FBXL17: variants seen among roughly 807,000 people sequenced by gnomAD.
FBXL17 encodes F-box/LRR-repeat protein 17.
FBXL17 carries 22 observed loss-of-function variants against 66.2 expected under a neutral mutation model. The ratio of observed to expected loss-of-function variants is 0.33; its 90% CI spans 0.24 to 0.47. The LOEUF (loss-of-function observed/expected upper bound fraction) is 0.47. Among genes scored for constraint, FBXL17 ranks in the 20% least tolerant of loss-of-function variants. FBXL17 has a pLI of 1.00. For missense variants in FBXL17, 878 were observed against 948.2 expected (o/e 0.93, Z 0.97); for synonymous variants, 474 against 400.5 (o/e 1.18, Z -2.19).
chr5:107,975,845 T>TTTTTTG lies in FBXL17; in HGVS notation c.1822+45079_1822+45080insCAAAAA, dbSNP rs1561347961. On this transcript the variant is annotated intron_variant, in intron 7 of 8. Transcript: ENST00000542267. ...CTTTTATTATGATAATTAGAGGGTT[T>TTTTTTG]TTGTTGTTGTTGTTTTTTTTTTTTT... is the stretch of plus-strand genomic sequence containing the variant. 3.3e-4 allele frequency among the ~76,000 whole-genome samples: 23 copies of TTTTTTG among 70,672 alleles called. 2 individuals carry two copies. The East Asian group carries it at 5.3e-3, about 16-fold the overall frequency. The allele number at this position is 70,672 out of a possible 152,430, so 46.4% of individuals were successfully genotyped here. A position where few individuals can be genotyped will look rare whatever the true frequency, so the allele number is the denominator to read the frequency against.
At chr5:108,228,374 C>A (rs1000178973) in intron 4 of FBXL17, among the ~76,000 whole-genome samples, 14 of 152,110 alleles carry the variant, frequency 9.2e-5, no homozygotes, top group African/African-American at 3.4e-4. Context: ...ACCCTGGAGT[C>A]TCACTTCTAG....
chr5:107,971,606 C>T (rs572614075), intron 7 of FBXL17, among the ~76,000 whole-genome samples: 1 of 152,216 alleles, frequency 6.6e-6, no homozygotes. Flanking sequence ...ATGATTTTGT[C>T]ACTTTATAAC....
intron 6 of FBXL17, among the ~76,000 whole-genome samples, chr5:108,055,471 T>C (rs1747665331): frequency 2.0e-5 from 3 of 150,364 alleles, no homozygotes; most frequent in African/African-American, 2.4e-5. Flanking sequence ...TAGCTGGGTA[T>C]GGTGGTGGGC....
chr5:107,900,554 A>G (rs542353744), intron 7 of FBXL17, among the ~76,000 whole-genome samples: 1 of 152,240 alleles, frequency 6.6e-6, no homozygotes, highest in East Asian at 1.9e-4. Flanking sequence ...AACTGTTCTA[A>G]CTAAAGAATA....
At chr5:108,294,679 G>A (rs1758273336) in intron 4 of FBXL17, among the ~76,000 whole-genome samples, 1 of 151,880 alleles carries the variant, frequency 6.6e-6, no homozygotes, top group African/African-American at 2.4e-5. Flanking sequence ...ACCACTGAAA[G>A]CAAACTGCAT....
At chr5:108,057,553 T>C (rs1433607798) in intron 6 of FBXL17, among the ~76,000 whole-genome samples, 3 of 152,154 alleles carry the variant, frequency 2.0e-5, no homozygotes, top group Non-Finnish European at 2.9e-5. Context: ...ATGGATTTGA[T>C]CTGTACACAA....
At chr5:108,362,564 T>C (rs1169862217) in intron 3 of FBXL17, among the ~76,000 whole-genome samples, 3 of 152,132 alleles carry the variant, frequency 2.0e-5, no homozygotes. Context: ...TGAGTGACTA[T>C]TATGAAAATA....
chr5:107,996,557 C>T (rs1054704403), intron 7 of FBXL17, among the ~76,000 whole-genome samples: 34 of 152,166 alleles, frequency 2.2e-4, no homozygotes, highest in Non-Finnish European at 2.6e-4. Flanking sequence ...TCAGGTGATC[C>T]GCCCACTTGG....
At chr5:108,067,484 T>C (rs1748160506) in intron 6 of FBXL17, among the ~76,000 whole-genome samples, 2 of 152,104 alleles carry the variant, frequency 1.3e-5, no homozygotes, top group Non-Finnish European at 1.5e-5. Context: ...AGAATAAATA[T>C]ATTTACTAGA....
chr5:107,930,450 C>A (rs1212759060), intron 7 of FBXL17, among the ~76,000 whole-genome samples: 1 of 152,214 alleles, frequency 6.6e-6, no homozygotes, highest in African/African-American at 2.4e-5. Flanking sequence ...TAATGTTAGG[C>A]CCCTAGCCTG....
chr5:108,085,032 C>G (rs1156805597), intron 6 of FBXL17, among the ~76,000 whole-genome samples: 2 of 152,200 alleles, frequency 1.3e-5, no homozygotes, highest in Non-Finnish European at 2.9e-5. Context: ...CTCCCTGATT[C>G]TTTCACTTTT....
intron 7 of FBXL17, among the ~76,000 whole-genome samples, chr5:107,927,117 A>G (rs1225796381): frequency 6.6e-6 from 1 of 152,202 alleles, no homozygotes; most frequent in East Asian, 1.9e-4. Context: ...GACTTTTAAT[A>G]AAAACACTAA....
chr5:108,179,563 C>T (rs1314530276), intron 6 of FBXL17, among the ~76,000 whole-genome samples: 1 of 152,166 alleles, frequency 6.6e-6, no homozygotes, highest in African/African-American at 2.4e-5. Flanking sequence ...TAAGCAACTT[C>T]AAATTATAGG....
intron 4 of FBXL17, among the ~76,000 whole-genome samples, chr5:108,274,685 G>A (rs1358138351): frequency 6.6e-6 from 1 of 152,160 alleles, no homozygotes; most frequent in Non-Finnish European, 1.5e-5. Context: ...TACAATTTAT[G>A]TTTAGAGATT....
At chr5:108,221,663 T>C (rs761372303) in intron 5 of FBXL17, among the ~76,000 whole-genome samples, 11 of 152,182 alleles carry the variant, frequency 7.2e-5, no homozygotes, top group Non-Finnish European at 1.5e-5. Flanking sequence ...TTATGTACTA[T>C]GATGATAAGG....
chr5:107,978,760 C>T (rs770684561), intron 7 of FBXL17, among the ~76,000 whole-genome samples: 28 of 152,188 alleles, frequency 1.8e-4, no homozygotes, highest in Non-Finnish European at 3.1e-4. Context: ...TCCAAGCCTT[C>T]GGAGAGACTG....
At chr5:108,051,057 T>C (rs560662243) in intron 6 of FBXL17, among the ~76,000 whole-genome samples, 1 of 152,282 alleles carries the variant, frequency 6.6e-6, no homozygotes, top group East Asian at 1.9e-4. Flanking sequence ...AATCCCTGAA[T>C]AGACCAATAA....
intron 8 of FBXL17, among the ~76,000 whole-genome samples, chr5:107,875,600 C>T (rs1748595582): frequency 6.6e-6 from 1 of 152,170 alleles, no homozygotes. Flanking sequence ...TACTTGCTTT[C>T]TGTATTGGCT....
At chr5:108,002,153 T>G (rs1753754907) in intron 7 of FBXL17, among the ~76,000 whole-genome samples, 1 of 150,052 alleles carries the variant, frequency 6.7e-6, no homozygotes, top group African/African-American at 2.5e-5. Context: ...GTAGCTGGGA[T>G]TACTGGCACA....
Sources: allele counts gnomAD v4.1 joint callset (sites outside exome capture counted in the v4.1 genomes callset), GRCh38; gene constraint gnomAD v4.1.1; transcripts MANE v1.5; gene names NCBI Gene and HGNC (gene_info 2026-07-23, HGNC 2026-07-21).